The following TTC29 variants were observed in gnomAD, a reference collection of about 807,000 sequenced individuals.
The protein encoded by TTC29 is tetratricopeptide repeat protein 29.
TTC29 carries 49 observed loss-of-function variants against 58.1 expected under a neutral mutation model. That is an observed-to-expected ratio of 0.84 (90% CI 0.67 to 1.07). The LOEUF (loss-of-function observed/expected upper bound fraction) is 1.07, where lower values mean the gene tolerates loss of function less well. Among genes scored for constraint, TTC29 ranks in the 50% least tolerant of loss-of-function variants. TTC29 has a pLI of 0.00. For synonymous variants in TTC29, 209 were observed against 196.8 expected (o/e 1.06, Z -0.52); for missense variants, 582 against 555.6 (o/e 1.05, Z -0.48).
At chr4:146,936,219 A>T (rs936433432) in intron 4 of TTC29, among the ~76,000 whole-genome samples, 2 of 152,142 alleles carry the variant, frequency 1.3e-5, no homozygotes, top group Non-Finnish European at 2.9e-5. Flanking sequence ...ATATTAAGAG[A>T]ATACTCATCA....
At chr4:146,807,434 A>T (rs1174523812) in intron 10 of TTC29, among the ~76,000 whole-genome samples, 3 of 152,204 alleles carry the variant, frequency 2.0e-5, no homozygotes, top group Admixed American at 1.3e-4. Flanking sequence ...CCCTTCAAAA[A>T]ATCAATGAAT....
chr4:146,919,361 T>C (rs1734437536), intron 4 of TTC29, among the ~76,000 whole-genome samples: 1 of 151,066 alleles, frequency 6.6e-6, no homozygotes, highest in Admixed American at 6.6e-5. Context: ...AATTGAGTTA[T>C]AATGATACAA....
intron 11 of TTC29, among the ~76,000 whole-genome samples, chr4:146,716,653 A>G (rs950557953): frequency 1.3e-5 from 2 of 152,106 alleles, no homozygotes; most frequent in Admixed American, 1.3e-4. Context: ...CAAAGAAGAG[A>G]TACTGTAGAT....
At chr4:146,929,774 G>A (rs1009674599) in intron 4 of TTC29, among the ~76,000 whole-genome samples, 1 of 152,052 alleles carries the variant, frequency 6.6e-6, no homozygotes, top group African/African-American at 2.4e-5. Flanking sequence ...AGAAGAGGAA[G>A]AAGCTTCTCT....
In TTC29 at chr4:146,706,736, A is replaced by G. The variant is rs77650106; in HGVS notation, c.*422T>C. On this transcript the variant is annotated 3_prime_UTR_variant, in exon 13 of 13. Transcript: ENST00000325106. Reference sequence around the variant, plus strand: ...AAGACTTATCAGTATGGTAGGCTTAATTGCTTATACTCCTTTTATCTATGT... The same window carrying G: ...AAGACTTATCAGTATGGTAGGCTTAGTTGCTTATACTCCTTTTATCTATGT... The G allele has an allele frequency of 5.5e-3, 847 of 154,238 alleles. 65 individuals are homozygous for G. In the East Asian group the frequency reaches 0.13, roughly 24 times the overall value. 9.6% of individuals were successfully genotyped at this position (154,238 alleles called of 1,614,324 possible). A position where few individuals can be genotyped will look rare whatever the true frequency, so the allele number is the denominator to read the frequency against.
intron 7 of TTC29, among the ~76,000 whole-genome samples, chr4:146,868,611 A>G (rs528661919): frequency 3.3e-5 from 5 of 152,100 alleles, no homozygotes; most frequent in Non-Finnish European, 7.4e-5. Flanking sequence ...AAGATACAAC[A>G]TGGTTCAACA....
At chr4:146,772,742 G>T (rs547180117) in intron 11 of TTC29, among the ~76,000 whole-genome samples, 140 of 151,958 alleles carry the variant, frequency 9.2e-4, no homozygotes, top group African/African-American at 3.2e-3. Flanking sequence ...TAAATAGTTG[G>T]TTTTTTTGGT....
intron 6 of TTC29, among the ~76,000 whole-genome samples, chr4:146,898,454 C>A (rs182772220): frequency 2.0e-5 from 3 of 152,180 alleles, no homozygotes; most frequent in Non-Finnish European, 4.4e-5. Context: ...GCAAGCTAGT[C>A]AGGACAGCTG....
chr4:146,727,228 G>A (rs138474758), intron 11 of TTC29, among the ~76,000 whole-genome samples: 50 of 151,694 alleles, frequency 3.3e-4, no homozygotes, highest in African/African-American at 1.1e-3. Flanking sequence ...GAGCAGTTTC[G>A]GTTTACAGCA....
intron 10 of TTC29, among the ~76,000 whole-genome samples, chr4:146,810,176 C>T (rs963069040): frequency 1.3e-5 from 2 of 152,160 alleles, no homozygotes; most frequent in East Asian, 1.9e-4. Flanking sequence ...AAACAAACAC[C>T]GCATGTTCTC....
At chr4:146,914,721 A>C (rs1311313963) in intron 4 of TTC29, among the ~76,000 whole-genome samples, 1 of 152,160 alleles carries the variant, frequency 6.6e-6, no homozygotes, top group Non-Finnish European at 1.5e-5. Flanking sequence ...TTAAGTAGTC[A>C]AGCATTTCAT....
intron 4 of TTC29, among the ~76,000 whole-genome samples, chr4:146,919,075 T>C (rs1050828167): frequency 2.6e-5 from 4 of 151,200 alleles, no homozygotes; most frequent in Non-Finnish European, 5.9e-5. Context: ...CAAACTCCTT[T>C]GAGAAATTCA....
intron 11 of TTC29, among the ~76,000 whole-genome samples, chr4:146,774,515 T>C (rs1262335573): frequency 6.6e-6 from 1 of 152,210 alleles, no homozygotes; most frequent in Non-Finnish European, 1.5e-5. Context: ...AATTTCCATG[T>C]AATTGTATGG....
chr4:146,777,051 A>G (rs549351819), intron 11 of TTC29, among the ~76,000 whole-genome samples: 125 of 152,252 alleles, frequency 8.2e-4, no homozygotes, highest in African/African-American at 2.6e-3. Context: ...TGTCTTTGCC[A>G]TGTTCACACC....
chr4:146,923,796 A>G (rs1734752719), intron 4 of TTC29, among the ~76,000 whole-genome samples: 1 of 151,928 alleles, frequency 6.6e-6, no homozygotes, highest in Non-Finnish European at 1.5e-5. Flanking sequence ...TAAAATTCAT[A>G]TAAAACAGTG....
chr4:146,885,228 T>C (rs1206647634), intron 6 of TTC29, among the ~76,000 whole-genome samples: 2 of 151,868 alleles, frequency 1.3e-5, no homozygotes, highest in Admixed American at 6.6e-5. Context: ...ATTTTGAAAA[T>C]GTAATGCAAT....
chr4:146,790,952 G>T (rs928428549), intron 11 of TTC29, among the ~76,000 whole-genome samples: 1 of 152,120 alleles, frequency 6.6e-6, no homozygotes, highest in East Asian at 1.9e-4. Flanking sequence ...TGAAAAATTT[G>T]CAGCCCATAG....
At chr4:146,765,725 C>T (rs1455064222) in intron 11 of TTC29, among the ~76,000 whole-genome samples, 1 of 152,112 alleles carries the variant, frequency 6.6e-6, no homozygotes, top group African/African-American at 2.4e-5. Context: ...ATGGATTAGA[C>T]AAGCAGCCTT....
chr4:146,773,806 T>C (rs1446899667), intron 11 of TTC29, among the ~76,000 whole-genome samples: 1 of 151,832 alleles, frequency 6.6e-6, no homozygotes, highest in Admixed American at 6.6e-5. Flanking sequence ...TTTAATACTT[T>C]CAGTAGGAAT....
Sources: gnomAD v4.1 joint callset for allele counts (sites outside exome capture counted in the v4.1 genomes callset) on GRCh38, gnomAD v4.1.1 for gene constraint, MANE v1.5 for transcripts, NCBI Gene and HGNC (gene_info 2026-07-23, HGNC 2026-07-21) for gene names.